RIMS2: variants seen among roughly 807,000 people sequenced by gnomAD.
RIMS2 encodes regulating synaptic membrane exocytosis 2, also known as regulating synaptic membrane exocytosis protein 2.
A neutral mutation model predicts 174.4 loss-of-function variants in RIMS2; 59 were observed. The ratio of observed to expected loss-of-function variants is 0.34; its 90% CI spans 0.27 to 0.42. The LOEUF is 0.42. Ranked by LOEUF, RIMS2 falls within the 10% of genes least tolerant of loss-of-function variation. The pLI is 1.00. For synonymous variants in RIMS2, 606 were observed against 572.5 expected (o/e 1.06, Z -0.84); for missense variants, 1,620 against 1,666.3 (o/e 0.97, Z 0.48).
chr8:104,223,687 G>A (rs957225916), intron 19 of RIMS2: 32 of 1,591,472 alleles, frequency 2.0e-5, no homozygotes, highest in Non-Finnish European at 2.7e-5. Context: ...CCAGCGCTGC[G>A]GGGCGCTCCA....
intron 1 of RIMS2, among the ~76,000 whole-genome samples, chr8:103,531,038 T>C (rs1836813725): frequency 1.3e-5 from 2 of 150,812 alleles, no homozygotes; most frequent in South Asian, 2.1e-4. Flanking sequence ...TGAGAAACGT[T>C]AACACATAGG....
chr8:103,846,939 G>A (rs376366146), intron 3 of RIMS2, among the ~76,000 whole-genome samples: 20 of 152,052 alleles, frequency 1.3e-4, no homozygotes, highest in African/African-American at 4.1e-4. Context: ...TGGGAATAAC[G>A]AGTCACTCCA....
At chr8:104,127,571 C>T (rs2098441924) in intron 19 of RIMS2, among the ~76,000 whole-genome samples, 1 of 152,168 alleles carries the variant, frequency 6.6e-6, no homozygotes, top group Non-Finnish European at 1.5e-5. Context: ...CTTGTGTTAA[C>T]ATGTAACCTT....
chr8:103,793,551 A>G (rs112807791), intron 3 of RIMS2, among the ~76,000 whole-genome samples: 1 of 152,292 alleles, frequency 6.6e-6, no homozygotes, highest in South Asian at 2.1e-4. Flanking sequence ...CACCACTCCT[A>G]TTCAACATAG....
chr8:103,704,777 CTA>C (rs1383506542), intron 2 of RIMS2, among the ~76,000 whole-genome samples: 1 of 151,988 alleles, frequency 6.6e-6, no homozygotes, highest in Non-Finnish European at 1.5e-5. Context: ...ACAGTAGTCT[CTA>C]ATGATCCTTT....
At chr8:104,004,963 T>C (rs755045768) in intron 17 of RIMS2, among the ~76,000 whole-genome samples, 6 of 152,182 alleles carry the variant, frequency 3.9e-5, no homozygotes, top group Non-Finnish European at 8.8e-5. Context: ...GAGCGCTGTA[T>C]GGGAGTGGTT....
chr8:103,602,084 C>G (rs1041735229), intron 1 of RIMS2, among the ~76,000 whole-genome samples: 5 of 152,124 alleles, frequency 3.3e-5, no homozygotes, highest in South Asian at 2.1e-4. Context: ...CTCCCAGGTT[C>G]AAGCAATTCT....
At chr8:104,092,887 G>A (rs971284582) in intron 19 of RIMS2, among the ~76,000 whole-genome samples, 1 of 151,914 alleles carries the variant, frequency 6.6e-6, no homozygotes, top group Non-Finnish European at 1.5e-5. Flanking sequence ...CTGCAACCCT[G>A]GCTGTGCCAG....
intron 2 of RIMS2, among the ~76,000 whole-genome samples, chr8:103,716,933 TA>T (rs1267300361): frequency 6.6e-6 from 1 of 152,134 alleles, no homozygotes; most frequent in African/African-American, 2.4e-5. Flanking sequence ...AATAATCTGC[TA>T]GTGTGTGCCC....
chr8:103,996,758 TTATC>T (rs1468664570), intron 17 of RIMS2, among the ~76,000 whole-genome samples: 2 of 151,824 alleles, frequency 1.3e-5, no homozygotes, highest in African/African-American at 4.8e-5. Context: ...TATCCTCAGT[TTATC>T]TGTCTGTGCA....
At chr8:103,599,342 T>A (rs899654948) in intron 1 of RIMS2, among the ~76,000 whole-genome samples, 1 of 150,552 alleles carries the variant, frequency 6.6e-6, no homozygotes, top group Non-Finnish European at 1.5e-5. Context: ...AGTGATGAAA[T>A]CAGCATACGA....
intron 3 of RIMS2, among the ~76,000 whole-genome samples, chr8:103,827,061 A>T (rs1375196578): frequency 6.6e-6 from 1 of 152,114 alleles, no homozygotes. Flanking sequence ...ATTTTTGTAG[A>T]TTGATTTGGG....
chr8:103,720,143 G>C (rs760968438), intron 2 of RIMS2, among the ~76,000 whole-genome samples: 54 of 152,094 alleles, frequency 3.6e-4, no homozygotes, highest in Non-Finnish European at 7.2e-4. Flanking sequence ...TTATCTTTTG[G>C]TTTGCAGCTG....
chr8:104,213,598 C>T (rs929358391), intron 19 of RIMS2, among the ~76,000 whole-genome samples: 9 of 151,944 alleles, frequency 5.9e-5, no homozygotes, highest in Admixed American at 1.3e-4. Context: ...ATGAATGGGC[C>T]GGGTGCAGTG....
intron 19 of RIMS2, among the ~76,000 whole-genome samples, chr8:104,168,672 T>C (rs2098812312): frequency 6.6e-6 from 1 of 152,124 alleles, no homozygotes; most frequent in African/African-American, 2.4e-5. Context: ...CGCTAGCACT[T>C]CCAGTACTAT....
At chr8:104,213,888 AAAGAAGAAGAAGAAG>A (rs762065499) in intron 19 of RIMS2, among the ~76,000 whole-genome samples, 4 of 148,108 alleles carry the variant, frequency 2.7e-5, no homozygotes, top group Non-Finnish European at 5.9e-5. Flanking sequence ...AAAAAAAAAA[AAAGAAGAAGAAGAAG>A]AAGAAGAAGA....
chr8:103,616,228 A>C (rs1275519223), intron 1 of RIMS2, among the ~76,000 whole-genome samples: 1 of 152,214 alleles, frequency 6.6e-6, no homozygotes, highest in Non-Finnish European at 1.5e-5. Context: ...AAAAATCAAT[A>C]AATATGATTC....
intron 2 of RIMS2, among the ~76,000 whole-genome samples, chr8:103,741,746 G>C (rs1280510633): frequency 6.6e-6 from 1 of 152,068 alleles, no homozygotes; most frequent in Non-Finnish European, 1.5e-5. Context: ...CTTTTCACAT[G>C]CTTTAAGTTA....
intron 3 of RIMS2, among the ~76,000 whole-genome samples, chr8:103,801,773 A>T (rs2098609630): frequency 6.6e-6 from 1 of 152,202 alleles, no homozygotes; most frequent in Non-Finnish European, 1.5e-5. Context: ...TGAAGCCGTT[A>T]TCCATTTCCT....
Sources: allele counts gnomAD v4.1 joint callset (sites outside exome capture counted in the v4.1 genomes callset), GRCh38; gene constraint gnomAD v4.1.1; transcripts MANE v1.5; gene names NCBI Gene and HGNC (gene_info 2026-07-23, HGNC 2026-07-21).